ERAP2: variants seen among roughly 807,000 people sequenced by gnomAD.
The protein encoded by ERAP2 is endoplasmic reticulum aminopeptidase 2, also known as leukocyte-derived arginine aminopeptidase.
In ERAP2, 118 loss-of-function variants were observed where a neutral mutation model predicts 111.1. That is an observed-to-expected ratio of 1.06 (90% CI 0.92 to 1.24). The LOEUF is 1.24. Among genes scored for constraint, ERAP2 ranks in the 50% most tolerant of loss-of-function variants. The pLI, the probability that ERAP2 is intolerant of heterozygous loss-of-function variation, is 0.00. For missense variants in ERAP2, 1,131 were observed against 1,125.8 expected, an observed-to-expected ratio of 1.00 and a Z score of -0.07; for synonymous variants, 410 against 401.2, an observed-to-expected ratio of 1.02 and a Z score of -0.26.
chr5:96,901,815 T>C (rs1561386133), intron 11 of ERAP2, 134 bp downstream of exon 11: 1 of 851,958 alleles, frequency 1.2e-6, no homozygotes, highest in East Asian at 2.7e-5. Context: ...TAAAGTAGAC[T>C]TGATAAGATT....
chr5:96,892,586 C>A, intron 6 of ERAP2, 133 bp downstream of exon 6: 1 of 997,726 alleles, frequency 1.0e-6, no homozygotes, highest in Non-Finnish European at 1.4e-6. Context: ...CTAAACCTAA[C>A]ACAACGTCAA....
At chr5:96,910,954 C>T (rs1159502592) in intron 15 of ERAP2, among the ~76,000 whole-genome samples, 1 of 152,000 alleles carries the variant, frequency 6.6e-6, no homozygotes, top group Non-Finnish European at 1.5e-5. Flanking sequence ...TGTTTGTTAC[C>T]AATTGTTATA....
chr5:96,912,265 T>TAA (rs76870375), intron 15 of ERAP2, among the ~76,000 whole-genome samples: 1 of 149,622 alleles, frequency 6.7e-6, no homozygotes, highest in Non-Finnish European at 1.5e-5. Context: ...TAATCATCTT[T>TAA]AAAAAAAAAA....
intron 15 of ERAP2, among the ~76,000 whole-genome samples, chr5:96,912,025 T>C (rs1175461033): frequency 6.8e-6 from 1 of 148,052 alleles, no homozygotes; most frequent in African/African-American, 2.5e-5. Context: ...CCGTCTCTAC[T>C]AAAAATACAA....
Position 96,879,789 on chromosome 5 carries a change from GTT to G in ERAP2, c.105_106del (p.Gln37ValfsTer6). The G allele has an allele frequency of 6.2e-7, 1 of 1,614,188 alleles. No individual in the cohort carries two copies. The highest frequency in any genetic ancestry group is 2.2e-5 in the East Asian group (1 of 44,888). ...GCCATCTTGCCCCAAATATGCATTT[GTT>G]CTCAGTTCTCAGTGCCATCTAGTTA... On this transcript the variant is annotated frameshift_variant, in exon 2 of 19. Transcript: ENST00000437043. LOFTEE classifies it high-confidence loss of function.
At chr5:96,883,660 T>G in intron 2 of ERAP2, 132 bp from the exon 3 acceptor site, 1 of 866,384 alleles carries the variant, frequency 1.2e-6, no homozygotes, top group South Asian at 1.9e-5. Flanking sequence ...ACAGTTGAGA[T>G]TCACAAAGAT....
In ERAP2 at chr5:96,901,697, C is replaced by G. The variant is rs772630282; in HGVS notation, c.1748+16C>G. On this transcript the variant is annotated intron_variant, in intron 11 of 18. Coordinates refer to ENST00000437043, the MANE Select transcript of ERAP2 (RefSeq NM_022350.5). Reference sequence around the variant, plus strand: ...TGCAGGAGAGGTGGCTGCTTTTCTTCTTTAGGTCTAGCTTACCTCATCTCA... The same window carrying G: ...TGCAGGAGAGGTGGCTGCTTTTCTTGTTTAGGTCTAGCTTACCTCATCTCA... 1.2e-6 allele frequency: 2 copies of G among 1,612,006 alleles called. No homozygotes were observed. The highest frequency in any genetic ancestry group is 8.5e-7 in the Non-Finnish European group (1 of 1,179,202).
chr5:96,904,140 G>A (rs995617418), intron 13 of ERAP2, among the ~76,000 whole-genome samples: 4 of 152,168 alleles, frequency 2.6e-5, no homozygotes, highest in African/African-American at 4.8e-5. Context: ...TTAGTATGAC[G>A]TTTGTAGGGA....
rs1786934534 is a variant in ERAP2 at position 96,912,702 on chromosome 5, A to G, written c.2420A>G (p.Tyr807Cys). 1 of 1,608,692 alleles carries G rather than the reference A, an allele frequency of 6.2e-7. No homozygotes were observed. The highest frequency in any genetic ancestry group is 8.5e-7 in the Non-Finnish European group (1 of 1,178,344). The change falls in exon 16 of 19, where the codon TAC becomes TGC. Residue 807 changes from tyrosine to cysteine, a missense_variant. This residue lies in a region of ERAP2 where 279 missense variants were observed against 250.9 expected (regional missense o/e 1.11). Coordinates refer to ENST00000437043, the MANE Select transcript of ERAP2 (RefSeq NM_022350.5). ...VGAQTTAGWN[Y>C]LLEQYELSMS... is the part of the protein sequence containing the mutation. ...GCTCAGACAACAGCAGGATGGAATT[A>G]CCTTTTAGAGCAATATGAACTGTCA... is the stretch of plus-strand genomic sequence containing the variant.
intron 13 of ERAP2, among the ~76,000 whole-genome samples, chr5:96,907,388 G>T (rs1182204295): frequency 6.6e-6 from 1 of 152,156 alleles, no homozygotes; most frequent in Non-Finnish European, 1.5e-5. Flanking sequence ...ATTTTAGTAA[G>T]AAATCAATTA....
At chr5:96,890,573 G>A (rs1328062294) in intron 5 of ERAP2, among the ~76,000 whole-genome samples, 1 of 152,194 alleles carries the variant, frequency 6.6e-6, no homozygotes, top group Non-Finnish European at 1.5e-5. Context: ...TGGGGTTTCT[G>A]ACAGTGACAA....
chr5:96,877,975 AT>A (rs1782726239), intron 1 of ERAP2, among the ~76,000 whole-genome samples: 2 of 152,254 alleles, frequency 1.3e-5, no homozygotes, highest in Non-Finnish European at 2.9e-5. Context: ...GTTAAGGATT[AT>A]AAAAAGAAGA....
chr5:96,898,489 C>A lies in ERAP2; in HGVS notation c.1503+1626C>A, dbSNP rs1315406125. Among the ~76,000 whole-genome samples, 26 of 150,746 alleles carry A rather than the reference C, an allele frequency of 1.7e-4. No individual in the cohort carries two copies. The Admixed American group carries it at 1.7e-3, about 10-fold the overall frequency. On this transcript the variant is annotated intron_variant, in intron 9 of 18. Coordinates refer to ENST00000437043, the MANE Select transcript of ERAP2 (RefSeq NM_022350.5). The stretch of plus-strand genomic sequence containing the variant: ...TGGTGCGGTGGCTCATGCTTGTAAT[C>A]CCATCACTTTGGGAGACCGAGGTGG...
Position 96,911,878 on chromosome 5 carries a change from AAAAG to A in ERAP2, c.2355-743_2355-740del, listed in dbSNP as rs1161447853. On this transcript the variant is annotated intron_variant, in intron 15 of 18. Coordinates refer to ENST00000437043, the MANE Select transcript of ERAP2 (RefSeq NM_022350.5). Reference sequence around the variant, plus strand: ...TAAGACCCTGTCTCAAAAAAAAAAAAAAAGAAAGAAAGAAAGAAAAGAAAAAAAT... The same window carrying A: ...TAAGACCCTGTCTCAAAAAAAAAAAAAAAGAAAGAAAGAAAAGAAAAAAAT... Among the ~76,000 whole-genome samples the A allele has an allele frequency of 9.2e-3, 1,184 of 128,284 alleles. 6 individuals carry two copies. The highest frequency in any genetic ancestry group is 0.035 in the Middle Eastern group (8 of 226). 84.2% of individuals were successfully genotyped at this position (128,284 alleles called of 152,430 possible).
In ERAP2 at chr5:96,887,108, C is replaced by CATATACAT. The variant is rs1259368695; in HGVS notation, c.849+320_849+321insTATACATA. Among the ~76,000 whole-genome samples the CATATACAT allele has an allele frequency of 5.1e-4, 70 of 138,584 alleles. 1 individual carries two copies. The highest frequency in any genetic ancestry group is 1.7e-3 in the African/African-American group (62 of 36,390). 90.9% of individuals were successfully genotyped at this position (138,584 alleles called of 152,430 possible). A position where few individuals can be genotyped will look rare whatever the true frequency, so the allele number is the denominator to read the frequency against. On this transcript the variant is annotated intron_variant, in intron 4 of 18. Coordinates refer to ENST00000437043, the MANE Select transcript of ERAP2 (RefSeq NM_022350.5). ...ATATATATATATATATATACACACACACACACACACACACACACATACATA... is the reference window on the plus strand; with the variant it reads ...ATATATATATATATATATACACACACATATACATACACACACACACACACACATACATA...
At position 96,896,782 on chromosome 5, in the gene ERAP2, C is replaced by G; in HGVS notation, c.1422C>G (p.Phe474Leu). 1 of 1,429,698 alleles carries G rather than the reference C, an allele frequency of 7.0e-7. No individual in the cohort carries two copies. The allele number at this position is 1,429,698 out of a possible 1,614,324, so 88.6% of individuals were successfully genotyped here. A position where few individuals can be genotyped will look rare whatever the true frequency, so the allele number is the denominator to read the frequency against. ...AGGATTTTCTGGGTGAGGAGAAATT[C>G]CAGAAAGGAATAATTCAGTACTTAA... ...MLKDFLGEEKFQKGIIQYLKK... is the reference protein window; with the variant it reads ...MLKDFLGEEKLQKGIIQYLKK... The change falls in exon 9 of 19, where the codon TTC becomes TTG. Residue 474 changes from phenylalanine to leucine, a missense_variant. Phe to Leu is a conservative substitution (Grantham distance 22). Around this residue, in one of 3 missense-constraint regions of ERAP2, gnomAD observed 847 missense variants for 856.5 expected, o/e 0.99. Coordinates refer to ENST00000437043, the MANE Select transcript of ERAP2 (RefSeq NM_022350.5).
In ERAP2 at chr5:96,918,529, C is replaced by A. The variant is rs1040974312; in HGVS notation, c.*924C>A. ...CAAGGGTAGATTTTTGAGAGCATTCCAAATGAATGGTCTCTGGTCAAATGA... is the reference window on the plus strand; with the variant it reads ...CAAGGGTAGATTTTTGAGAGCATTCAAAATGAATGGTCTCTGGTCAAATGA... On this transcript the variant is annotated 3_prime_UTR_variant, in exon 19 of 19. Coordinates refer to ENST00000437043, the MANE Select transcript of ERAP2 (RefSeq NM_022350.5). 1 of 152,026 alleles carries A rather than the reference C, an allele frequency of 6.6e-6. No individual in the cohort carries two copies. Among genetic ancestry groups the A allele is most frequent in the Non-Finnish European group, 1.5e-5 (1 of 68,006 alleles). The allele number at this position is 152,026 out of a possible 1,614,324, so 9.4% of individuals were successfully genotyped here.
chr5:96,881,628 C>T (rs1783143948), intron 2 of ERAP2: 1 of 395,288 alleles, frequency 2.5e-6, no homozygotes, highest in African/African-American at 2.1e-5. Flanking sequence ...GCTCAGATTG[C>T]TATAGTGCTG....
rs769203363 is a variant in ERAP2 at position 96,880,096 on chromosome 5, G to A, written c.411G>A (p.Leu137=). The A allele has an allele frequency of 6.2e-7, 1 of 1,614,178 alleles. No homozygotes were observed. The highest frequency in any genetic ancestry group is 1.1e-5 in the South Asian group (1 of 91,084). The change falls in exon 2 of 19, where the codon CTG becomes CTA. Residue 137 remains leucine (L), a synonymous_variant. Coordinates refer to ENST00000437043, the MANE Select transcript of ERAP2 (RefSeq NM_022350.5). ...DSRYMKPGKE[L]KVLSYPAHEQ... is the part of the protein sequence containing the mutation. Reference sequence around the variant, plus strand: ...GATACATGAAACCAGGAAAAGAACTGAAAGTTTTGAGTTACCCTGCTCATG... The same window carrying A: ...GATACATGAAACCAGGAAAAGAACTAAAAGTTTTGAGTTACCCTGCTCATG...
Sources: gnomAD v4.1 joint callset for allele counts (sites outside exome capture counted in the v4.1 genomes callset) on GRCh38, gnomAD v4.1.1 for gene constraint, gnomAD v4.1.1 regional missense constraint, MANE v1.5 for transcripts, NCBI Gene and HGNC (gene_info 2026-07-23, HGNC 2026-07-21) for gene names.